Variants in PRPF6 observed in about 807,000 individuals in gnomAD.
PRPF6 encodes pre-mRNA-processing factor 6.
Under a neutral mutation model 118.3 loss-of-function variants are expected in PRPF6, and 42 were observed. The observed-to-expected ratio is 0.35, with a 90% CI of 0.28 to 0.46. The LOEUF is 0.46. PRPF6 is among the 20% of genes least tolerant of loss of function. PRPF6 has a pLI of 1.00. For missense variants in PRPF6, 662 were observed against 1,255.7 expected, an observed-to-expected ratio of 0.53 and a Z score of 7.15; for synonymous variants, 481 against 485.1, an observed-to-expected ratio of 0.99 and a Z score of 0.11.
chr20:63,993,266 A>ATG (rs1402313172), intron 3 of PRPF6, 141 bp from the exon 4 acceptor site: 13 of 301,870 alleles, frequency 4.3e-5, no homozygotes, highest in Admixed American at 9.2e-5. Context: ...GTGTGTGTAT[A>ATG]TGTATATATA....
chr20:64,011,189 CGTG>C lies in PRPF6; in HGVS notation c.1306-91_1306-89del, dbSNP rs2059215423. On this transcript the variant is annotated intron_variant, in intron 10 of 20. Coordinates refer to ENST00000266079, the MANE Select transcript of PRPF6 (RefSeq NM_012469.4). The surrounding 1 kb of genome is among the most constrained non-coding windows in gnomAD (Gnocchi z 6.7). ...ATGGTTCTCGAGAGCTAAGAAAGAA[CGTG>C]GTGGCCAACGCTGGAGGGTGGGTCG... 2 of 1,083,824 alleles carry C rather than the reference CGTG, an allele frequency of 1.8e-6. No individual in the cohort carries two copies. The highest frequency in any genetic ancestry group is 2.8e-6 in the Non-Finnish European group (2 of 720,812). 67.1% of individuals were successfully genotyped at this position (1,083,824 alleles called of 1,614,324 possible).
chr20:63,995,791 G>A (rs981140596), intron 6 of PRPF6, among the ~76,000 whole-genome samples: 1 of 151,400 alleles, frequency 6.6e-6, no homozygotes, highest in Non-Finnish European at 1.5e-5. Flanking sequence ...TGAGTAGCTG[G>A]GATTACAGGT....
chr20:63,999,342 G>C (rs180704172), intron 7 of PRPF6, among the ~76,000 whole-genome samples: 12 of 152,282 alleles, frequency 7.9e-5, no homozygotes, highest in Non-Finnish European at 2.9e-5. Flanking sequence ...ATACTGCAAA[G>C]TCCCTGCCTG....
At chr20:64,001,405 G>A (rs1391213431) in intron 9 of PRPF6, among the ~76,000 whole-genome samples, 166 bp downstream of exon 9, 2 of 152,204 alleles carry the variant, frequency 1.3e-5, no homozygotes, top group Admixed American at 1.3e-4. Flanking sequence ...CCCCATGGGG[G>A]AGGGATACTG....
chr20:63,987,611 G>A (rs1396568633), intron 3 of PRPF6, among the ~76,000 whole-genome samples: 1 of 152,122 alleles, frequency 6.6e-6, no homozygotes, highest in Admixed American at 6.5e-5. Context: ...TAGAGCAGTC[G>A]GACCAGAGAA....
intron 11 of PRPF6, among the ~76,000 whole-genome samples, chr20:64,012,892 T>G (rs1400871439): frequency 2.6e-5 from 4 of 151,242 alleles, no homozygotes; most frequent in Non-Finnish European, 1.5e-5. Context: ...GTAGAAATGA[T>G]ACACCTACGA....
intron 9 of PRPF6, among the ~76,000 whole-genome samples, chr20:64,005,583 C>CT (rs949041858): frequency 2.8e-4 from 43 of 151,980 alleles, no homozygotes; most frequent in Admixed American, 7.9e-4. Context: ...TAACCCAAAT[C>CT]TTTTTTTTGT....
At chr20:64,017,630 C>T (rs538715205) in intron 12 of PRPF6, among the ~76,000 whole-genome samples, 3 of 150,580 alleles carry the variant, frequency 2.0e-5, no homozygotes, top group Non-Finnish European at 3.0e-5. Flanking sequence ...TGAGCCGCCG[C>T]GCCCGGCCTC....
chr20:64,028,417 G>T lies in PRPF6; in HGVS notation c.2340-61G>T. 6.4e-7 allele frequency: 1 copy of T among 1,562,068 alleles called. No individual in the cohort carries two copies. Among genetic ancestry groups the T allele is most frequent in the South Asian group, 1.1e-5 (1 of 90,044 alleles). On this transcript the variant is annotated intron_variant, in intron 17 of 20. Transcript: ENST00000266079. The surrounding 1 kb of genome is among the most constrained non-coding windows in gnomAD (Gnocchi z 6.5). ...CCCTTTCAGACAAGGCTTCCCAGAA[G>T]CTACCAGAATATGTGCTGTTGGTAG...
chr20:63,987,189 A>AGGGG (rs1555916397), intron 3 of PRPF6, among the ~76,000 whole-genome samples: 2 of 117,128 alleles, frequency 1.7e-5, no homozygotes, highest in Non-Finnish European at 3.7e-5. Flanking sequence ...AAAAAAAAAA[A>AGGGG]GGGGGGGGGA....
chr20:63,983,203 C>G lies in PRPF6; in HGVS notation c.228C>G (p.Thr76=). The G allele has an allele frequency of 6.2e-7, 1 of 1,614,166 alleles. No homozygotes were observed. Among genetic ancestry groups the G allele is most frequent in the Non-Finnish European group, 8.5e-7 (1 of 1,180,024 alleles). ...ADDDDEDLND[T]NYDEFNGYAG... ...ATGACGACGAGGATCTAAATGACAC[C>G]AATTACGATGAGGTGAGATGTGTCC... is the stretch of plus-strand genomic sequence containing the variant. The change falls in exon 2 of 21, where the codon ACC becomes ACG. Residue 76 remains threonine (T), a synonymous_variant. Coordinates refer to ENST00000266079, the MANE Select transcript of PRPF6 (RefSeq NM_012469.4).
intron 11 of PRPF6, among the ~76,000 whole-genome samples, chr20:64,013,698 C>T (rs1237631133): frequency 6.6e-6 from 1 of 152,102 alleles, no homozygotes; most frequent in Non-Finnish European, 1.5e-5. Context: ...CTTCAGCCTC[C>T]CAAAGTGTTG....
intron 3 of PRPF6, among the ~76,000 whole-genome samples, chr20:63,991,870 C>T (rs1452347575): frequency 6.6e-6 from 1 of 152,120 alleles, no homozygotes; most frequent in African/African-American, 2.4e-5. Flanking sequence ...AAGAACAGTA[C>T]TGTGAATACC....
At chr20:64,023,184 G>A (rs1168635427) in intron 13 of PRPF6, among the ~76,000 whole-genome samples, 3 of 152,238 alleles carry the variant, frequency 2.0e-5, no homozygotes, top group East Asian at 1.9e-4. Flanking sequence ...GCTGGAGCCC[G>A]CGTGGCCCAT....
rs541016302 is a variant in PRPF6, at chr20:64,029,623, C to T, written c.2546+132C>T. 1.6e-5 allele frequency: 13 copies of T among 795,042 alleles called. No individual in the cohort carries two copies. The highest frequency in any genetic ancestry group is 4.2e-5 in the Admixed American group (2 of 48,152). The allele number at this position is 795,042 out of a possible 1,614,324, so 49.2% of individuals were successfully genotyped here. The stretch of plus-strand genomic sequence containing the variant: ...GTGGGCTTCCCCGATCCTCGGCTGC[C>T]GTCGCTCCTGCTGTGGTCTGGGGCA... On this transcript the variant is annotated intron_variant, in intron 19 of 20. Coordinates refer to ENST00000266079, the MANE Select transcript of PRPF6 (RefSeq NM_012469.4). The surrounding 1 kb of genome is among the most constrained non-coding windows in gnomAD (Gnocchi z 4.8).
chr20:63,986,167 C>G (rs2059092199), intron 3 of PRPF6, among the ~76,000 whole-genome samples: 1 of 151,836 alleles, frequency 6.6e-6, no homozygotes, highest in South Asian at 2.1e-4. Flanking sequence ...CTAGTGAAAC[C>G]CAGTCTCTAC....
chr20:64,015,303 G>T (rs546412627), intron 11 of PRPF6, among the ~76,000 whole-genome samples: 1 of 152,202 alleles, frequency 6.6e-6, no homozygotes, highest in Non-Finnish European at 1.5e-5. Context: ...CACCTTTGCC[G>T]CAGGCCCCTG....
intron 6 of PRPF6, among the ~76,000 whole-genome samples, chr20:63,998,828 C>T (rs945496647): frequency 2.0e-5 from 3 of 146,932 alleles, no homozygotes; most frequent in African/African-American, 7.5e-5. Context: ...GGCGACAGAG[C>T]GAGACTCCAT....
intron 13 of PRPF6, among the ~76,000 whole-genome samples, chr20:64,023,199 G>A (rs765906466): frequency 1.1e-4 from 16 of 152,228 alleles, no homozygotes; most frequent in South Asian, 2.1e-4. Flanking sequence ...GCCCATGGCC[G>A]AGCACTGGCT....
Sources: gnomAD v4.1 joint callset for allele counts (sites outside exome capture counted in the v4.1 genomes callset) on GRCh38, gnomAD v4.1.1 for gene constraint, Gnocchi (gnomAD v3.1) non-coding constraint, MANE v1.5 for transcripts, NCBI Gene and HGNC (gene_info 2026-07-23, HGNC 2026-07-21) for gene names.